Variants in ZNF600 observed in about 807,000 individuals in gnomAD.
The protein encoded by ZNF600 is zinc finger protein KR-ZNF1.
ZNF600 carries 4 observed loss-of-function variants against 7.3 expected under a neutral mutation model. That is an observed-to-expected ratio of 0.55 (90% CI 0.27 to 1.25). ZNF600 has a LOEUF of 1.25. Ranked by LOEUF, ZNF600 falls within the 50% of genes most tolerant of loss-of-function variation. The pLI, the probability that ZNF600 is intolerant of heterozygous loss-of-function variation, is 0.12. For synonymous variants in ZNF600, 290 were observed against 308.9 expected, an observed-to-expected ratio of 0.94 and a Z score of 0.64; for missense variants, 911 against 922.1, an observed-to-expected ratio of 0.99 and a Z score of 0.16.
chr19:52,777,478 C>G (rs2062685455), intron 2 of ZNF600, among the ~76,000 whole-genome samples: 1 of 152,028 alleles, frequency 6.6e-6, no homozygotes, highest in Non-Finnish European at 1.5e-5. Context: ...GATATCAAGG[C>G]TATAGTGAGC....
the ZNF600 span, among the ~76,000 whole-genome samples, chr19:52,828,406 G>A: frequency 6.6e-6 from 1 of 152,226 alleles, no homozygotes; most frequent in East Asian, 1.9e-4. Flanking sequence ...GGCAGAAGTT[G>A]CGCTGAGCCG....
the ZNF600 span, chr19:52,798,438 C>G: frequency 1.2e-5 from 5 of 429,296 alleles, no homozygotes; most frequent in Non-Finnish European, 2.3e-5. Context: ...GCATTTGAAA[C>G]AACTGTCTCC....
intron 3 of ZNF600, among the ~76,000 whole-genome samples, chr19:52,771,708 C>T (rs1312814903): frequency 3.3e-5 from 5 of 152,172 alleles, no homozygotes; most frequent in Non-Finnish European, 5.9e-5. Context: ...GAAATTCTGA[C>T]CTGAGGTGAT....
At chr19:52,790,982 A>G (rs980791474), upstream of ZNF600, among the ~76,000 whole-genome samples, 1 of 152,102 alleles carries the variant, frequency 6.6e-6, no homozygotes, top group Admixed American at 6.6e-5. Context: ...CACCCAGACC[A>G]ACATGCTGTC....
chr19:52,809,015 TATGTGTGTGC>T, the ZNF600 span, among the ~76,000 whole-genome samples: 4 of 152,206 alleles, frequency 2.6e-5, no homozygotes, highest in African/African-American at 9.7e-5. Flanking sequence ...TTTGTATGTA[TATGTGTGTGC>T]ATGTGTGTGG....
the ZNF600 span, among the ~76,000 whole-genome samples, chr19:52,824,284 A>G: frequency 4.6e-5 from 7 of 152,148 alleles, 1 homozygote; most frequent in African/African-American, 1.7e-4. Flanking sequence ...AAATACAAAG[A>G]TATGTCTACC....
At chr19:52,810,769 A>T in the ZNF600 span, 31 of 516,408 alleles carry the variant, frequency 6.0e-5, no homozygotes, top group South Asian at 9.0e-5. Context: ...AAAAAAGAAT[A>T]AAAAAAAACC....
chr19:52,781,793 T>C (rs1023946025), intron 1 of ZNF600, among the ~76,000 whole-genome samples: 2 of 147,112 alleles, frequency 1.4e-5, no homozygotes, highest in African/African-American at 5.0e-5. Flanking sequence ...TCAGGCAAGG[T>C]GGCTCACACC....
At chr19:52,767,238 C>A (rs1364195177) in exon 4 of ZNF600, 4 of 1,613,992 alleles carry the variant, frequency 2.5e-6, no homozygotes, top group Non-Finnish European at 3.4e-6. Flanking sequence ...GAGTGAGCTA[C>A]AATTAAAGGC....
the ZNF600 span, among the ~76,000 whole-genome samples, chr19:52,802,160 T>C: frequency 6.6e-6 from 1 of 152,252 alleles, no homozygotes; most frequent in East Asian, 1.9e-4. Flanking sequence ...CCAAAATCAA[T>C]GGAAATTCTG....
chr19:52,815,552 T>C, the ZNF600 span, among the ~76,000 whole-genome samples: 1,205 of 144,660 alleles, frequency 8.3e-3, 182 homozygotes, highest in African/African-American at 0.031. Context: ...TGTCTGGGCG[T>C]GGTGGCTCAC....
At chr19:52,833,275 G>A in the ZNF600 span, among the ~76,000 whole-genome samples, 316 of 152,282 alleles carry the variant, frequency 2.1e-3, 3 homozygotes, top group African/African-American at 7.4e-3. Flanking sequence ...CAGCAGCACT[G>A]ACACCATGGG....
At chr19:52,786,858 C>T (rs562078083), upstream of ZNF600, 236 of 238,522 alleles carry the variant, frequency 9.9e-4, no homozygotes, top group African/African-American at 5.1e-3. Context: ...GCGGAGAGAC[C>T]TTGCCCTTTA....
chr19:52,824,881 G>A, the ZNF600 span, among the ~76,000 whole-genome samples: 13 of 152,134 alleles, frequency 8.5e-5, no homozygotes, highest in South Asian at 1.2e-3. Context: ...TAGAAATAAC[G>A]GGACTAAAAA....
the ZNF600 span, among the ~76,000 whole-genome samples, chr19:52,794,226 C>T: frequency 1.3e-5 from 2 of 152,074 alleles, no homozygotes; most frequent in Non-Finnish European, 1.5e-5. Context: ...GAGTCTAATC[C>T]CGTTTTTCCA....
intron 2 of ZNF600, among the ~76,000 whole-genome samples, chr19:52,775,107 G>A (rs1173043817): frequency 1.3e-5 from 2 of 152,074 alleles, no homozygotes; most frequent in African/African-American, 4.8e-5. Flanking sequence ...AGGCATGGTG[G>A]CAGGCACCTG....
At chr19:52,778,945 G>A (rs1416518314) in intron 1 of ZNF600, 38 bp from the exon 4 acceptor site, 1 of 1,562,388 alleles carries the variant, frequency 6.4e-7, no homozygotes, top group Admixed American at 1.8e-5. Flanking sequence ...TGTTAGAAAT[G>A]ACTCACTCCC....
chr19:52,781,019 C>T (rs1305041368), intron 1 of ZNF600: 1 of 152,220 alleles, frequency 6.6e-6, no homozygotes, highest in African/African-American at 2.4e-5. Flanking sequence ...GCTGAGGAGA[C>T]AACTGGACAC....
At chr19:52,772,569 CTT>C (rs2062638899) in intron 3 of ZNF600, among the ~76,000 whole-genome samples, 1 of 152,162 alleles carries the variant, frequency 6.6e-6, no homozygotes, top group African/African-American at 2.4e-5. Flanking sequence ...TGCCATTGCA[CTT>C]AAGCCTGGGC....
Sources: gnomAD v4.1 joint callset for allele counts (sites outside exome capture counted in the v4.1 genomes callset) on GRCh38, gnomAD v4.1.1 for gene constraint, MANE v1.5 for transcripts, NCBI Gene and HGNC (gene_info 2026-07-23, HGNC 2026-07-21) for gene names.